XKR6: variants seen among roughly 807,000 people sequenced by gnomAD.
XKR6 encodes XK related 6, also known as XK-related protein 6.
XKR6 carries 22 observed loss-of-function variants against 56.7 expected under a neutral mutation model. The ratio of observed to expected loss-of-function variants is 0.39; its 90% CI spans 0.28 to 0.55. The LOEUF (loss-of-function observed/expected upper bound fraction) is 0.55. Ranked by LOEUF, XKR6 falls within the 20% of genes least tolerant of loss-of-function variation. The probability of loss-of-function intolerance (pLI) is 0.66; values close to 1 mark genes in which losing one functional copy is unlikely to be tolerated. For synonymous variants in XKR6, 524 were observed against 387.8 expected, an observed-to-expected ratio of 1.35 and a Z score of -4.13; for missense variants, 852 against 889.0, an observed-to-expected ratio of 0.96 and a Z score of 0.53.
intron 1 of XKR6, among the ~76,000 whole-genome samples, chr8:11,031,564 C>T (rs563995580): frequency 2.6e-4 from 39 of 152,278 alleles, no homozygotes; most frequent in Admixed American, 1.3e-3. Context: ...GGACACTCAG[C>T]AGGGATCTGC....
At chr8:11,078,122 T>C (rs1453555653) in intron 1 of XKR6, among the ~76,000 whole-genome samples, 2 of 152,170 alleles carry the variant, frequency 1.3e-5, no homozygotes, top group East Asian at 3.9e-4. Context: ...GACTCTAGGA[T>C]TTATTCAGTC....
intron 1 of XKR6, among the ~76,000 whole-genome samples, chr8:10,958,059 T>C (rs1280185659): frequency 6.6e-6 from 1 of 152,226 alleles, no homozygotes; most frequent in Non-Finnish European, 1.5e-5. Flanking sequence ...TTGTGTGATC[T>C]TCAGTAAGTC....
At chr8:10,984,722 C>A (rs1437140986) in intron 1 of XKR6, among the ~76,000 whole-genome samples, 192 of 79,184 alleles carry the variant, frequency 2.4e-3, no homozygotes, top group African/African-American at 0.01. Context: ...CTCTCTCTCT[C>A]TCTCTCTCTC....
At chr8:11,018,483 C>T (rs2129147953) in intron 1 of XKR6, among the ~76,000 whole-genome samples, 1 of 152,268 alleles carries the variant, frequency 6.6e-6, no homozygotes, top group South Asian at 2.1e-4. Flanking sequence ...GCTAGCACTT[C>T]CCTCCATAAT....
intron 1 of XKR6, among the ~76,000 whole-genome samples, chr8:10,960,302 G>A (rs1356236857): frequency 6.6e-6 from 1 of 152,090 alleles, no homozygotes; most frequent in Non-Finnish European, 1.5e-5. Context: ...GAACAGCAGA[G>A]GTACAGTCTA....
intron 1 of XKR6, among the ~76,000 whole-genome samples, chr8:11,039,326 G>T (rs1042642085): frequency 6.6e-6 from 1 of 152,238 alleles, no homozygotes; most frequent in African/African-American, 2.4e-5. Flanking sequence ...GAGGCCCTGG[G>T]AAAGCTACAA....
intron 1 of XKR6, among the ~76,000 whole-genome samples, chr8:11,026,855 T>C (rs1798879487): frequency 6.6e-6 from 1 of 151,824 alleles, no homozygotes; most frequent in African/African-American, 2.4e-5. Context: ...CCTAGCCTAC[T>C]ACACACCTAG....
chr8:11,163,228 T>C (rs1195135149), intron 1 of XKR6, among the ~76,000 whole-genome samples: 1 of 152,202 alleles, frequency 6.6e-6, no homozygotes, highest in Admixed American at 6.5e-5. Flanking sequence ...ATAATCACCA[T>C]TCTTTAAACA....
At chr8:11,030,342 T>C (rs1455664668) in intron 1 of XKR6, among the ~76,000 whole-genome samples, 1 of 152,208 alleles carries the variant, frequency 6.6e-6, no homozygotes, top group Non-Finnish European at 1.5e-5. Context: ...ATTGAGAATG[T>C]ACATGCTGCC....
rs1260231733 is a variant in XKR6 at position 11,024,204 on chromosome 8, G to GGGGTGTGTGTGT, written c.765-99375_765-99374insACACACACACCC. ...GTTGCAGACAACATACCTGTTAGGA[G>GGGGTGTGTGTGT]GTGTGTGTGTGTGTGTGTGTGTGTG... is the stretch of plus-strand genomic sequence containing the variant. On this transcript the variant is annotated intron_variant, in intron 1 of 2. Coordinates refer to ENST00000416569, the MANE Select transcript of XKR6 (RefSeq NM_173683.4). Among the ~76,000 whole-genome samples the GGGGTGTGTGTGT allele has an allele frequency of 1.2e-4, 16 of 136,904 alleles. 1 individual carries two copies. Among genetic ancestry groups the GGGGTGTGTGTGT allele is most frequent in the Middle Eastern group, 3.6e-3 (1 of 274 alleles). 89.8% of individuals were successfully genotyped at this position (136,904 alleles called of 152,430 possible).
At chr8:10,964,306 C>A (rs996155561) in intron 1 of XKR6, among the ~76,000 whole-genome samples, 3 of 152,208 alleles carry the variant, frequency 2.0e-5, no homozygotes, top group Admixed American at 1.3e-4. Context: ...TTCTAGGACA[C>A]CTGTTTGCTC....
At chr8:11,065,511 G>A (rs1799953465) in intron 1 of XKR6, among the ~76,000 whole-genome samples, 1 of 152,030 alleles carries the variant, frequency 6.6e-6, no homozygotes, top group African/African-American at 2.4e-5. Context: ...CGTCATATCA[G>A]CCACACCAAC....
intron 1 of XKR6, among the ~76,000 whole-genome samples, chr8:11,154,335 G>A (rs1264387229): frequency 6.6e-6 from 1 of 152,236 alleles, no homozygotes; most frequent in Admixed American, 6.5e-5. Context: ...GAGATTCCTT[G>A]GTTGGCAACA....
At chr8:11,164,147 G>T (rs1801957996) in intron 1 of XKR6, among the ~76,000 whole-genome samples, 1 of 152,202 alleles carries the variant, frequency 6.6e-6, no homozygotes, top group Non-Finnish European at 1.5e-5. Context: ...TTCACTGCCA[G>T]AAAGTCAGAA....
rs748510851 is a variant in XKR6, at chr8:11,201,372, G to T, written c.-33C>A. The T allele has an allele frequency of 1.4e-6, 2 of 1,413,404 alleles. No individual in the cohort carries two copies. Among genetic ancestry groups the T allele is most frequent in the Non-Finnish European group, 1.8e-6 (2 of 1,082,776 alleles). The allele number at this position is 1,413,404 out of a possible 1,614,324, so 87.6% of individuals were successfully genotyped here. A position where few individuals can be genotyped will look rare whatever the true frequency, so the allele number is the denominator to read the frequency against. ...CTCTTCCCAGCTCCGGAGGTTGGGG[G>T]GGAGGGACGGCGGGGGGGGGGGGAA... On this transcript the variant is annotated 5_prime_UTR_variant, in exon 1 of 3. Transcript: ENST00000416569.
Position 10,911,990 on chromosome 8 carries a change from AAT to A in XKR6, c.961+12642_961+12643del, listed in dbSNP as rs373930538. On this transcript the variant is annotated intron_variant, in intron 2 of 2. Coordinates refer to ENST00000416569, the MANE Select transcript of XKR6 (RefSeq NM_173683.4). ...CACATATATATGGAGAAAGAGAGAG[AAT>A]ATATATATATATAGAGAGAGAGAGC... Among the ~76,000 whole-genome samples the A allele has an allele frequency of 2.2e-3, 302 of 139,054 alleles. 1 individual carries two copies. Among genetic ancestry groups the A allele is most frequent in the African/African-American group, 6.4e-3 (241 of 37,410 alleles). 91.2% of individuals were successfully genotyped at this position (139,054 alleles called of 152,430 possible). A position where few individuals can be genotyped will look rare whatever the true frequency, so the allele number is the denominator to read the frequency against.
At chr8:11,148,999 C>A (rs1037138130) in intron 1 of XKR6, among the ~76,000 whole-genome samples, 10 of 152,034 alleles carry the variant, frequency 6.6e-5, no homozygotes, top group African/African-American at 2.2e-4. Flanking sequence ...TCAGTGGTTG[C>A]CTGGAAATGA....
intron 1 of XKR6, among the ~76,000 whole-genome samples, chr8:11,145,788 T>G (rs1043079439): frequency 6.6e-6 from 1 of 152,200 alleles, no homozygotes; most frequent in African/African-American, 2.4e-5. Flanking sequence ...AAAACTGATC[T>G]GCTAACTCAA....
intron 1 of XKR6, among the ~76,000 whole-genome samples, chr8:11,023,688 G>C (rs1038349895): frequency 6.6e-6 from 1 of 152,222 alleles, no homozygotes; most frequent in Non-Finnish European, 1.5e-5. Context: ...ACCCCACAGC[G>C]AGGGACTGCT....
Sources: gnomAD v4.1 joint callset for allele counts (sites outside exome capture counted in the v4.1 genomes callset) on GRCh38, gnomAD v4.1.1 for gene constraint, MANE v1.5 for transcripts, NCBI Gene and HGNC (gene_info 2026-07-23, HGNC 2026-07-21) for gene names.